Variants in BLTP1 observed in about 807,000 individuals in gnomAD.
BLTP1 encodes fragile site-associated protein.
the BLTP1 span, chr4:122,331,843 T>C: frequency 7.0e-6 from 6 of 861,866 alleles, no homozygotes; most frequent in South Asian, 3.2e-4. Flanking sequence ...CCCTGTATTA[T>C]ACATATTTCA....
At chr4:122,263,695 A>G in the BLTP1 span, 8 of 725,562 alleles carry the variant, frequency 1.1e-5, no homozygotes, top group South Asian at 2.2e-5. Flanking sequence ...TCAAACAAGT[A>G]CTGTTTGGTT....
At chr4:122,172,204 A>G in the BLTP1 span, 1 of 476,704 alleles carries the variant, frequency 2.1e-6, no homozygotes, top group Non-Finnish European at 2.7e-6. Context: ...CTTTATCCAT[A>G]ATACATAATT....
the BLTP1 span, among the ~76,000 whole-genome samples, chr4:122,218,213 G>C: frequency 6.6e-6 from 1 of 151,804 alleles, no homozygotes; most frequent in Admixed American, 6.6e-5. Flanking sequence ...AACTCACTTA[G>C]ACATTTATGT....
chr4:122,328,156 C>T, the BLTP1 span: 4 of 1,610,302 alleles, frequency 2.5e-6, no homozygotes, highest in Non-Finnish European at 3.4e-6. Context: ...GAAGGTCCAT[C>T]CCATTATTCA....
the BLTP1 span, chr4:122,276,998 A>G: frequency 1.0e-6 from 1 of 983,496 alleles, no homozygotes; most frequent in Non-Finnish European, 1.2e-6. Context: ...ACTGGCCTGT[A>G]ATTAATATGA....
the BLTP1 span, chr4:122,306,538 G>A: frequency 1.0e-6 from 1 of 983,642 alleles, no homozygotes; most frequent in Non-Finnish European, 1.2e-6. Flanking sequence ...GCTTCTTAGA[G>A]GAGAAACTAA....
chr4:122,215,462 AGTT>A, the BLTP1 span: 1 of 985,374 alleles, frequency 1.0e-6, no homozygotes, highest in South Asian at 4.7e-5. Flanking sequence ...ACCTAATAGT[AGTT>A]GAGTCCTTAG....
At chr4:122,194,775 A>G in the BLTP1 span, 9 of 669,162 alleles carry the variant, frequency 1.3e-5, no homozygotes, top group Non-Finnish European at 1.7e-5. Flanking sequence ...AACCCAAACT[A>G]AAATGCAGTA....
chr4:122,190,130 TCTGTCA>T, the BLTP1 span: 1 of 1,606,520 alleles, frequency 6.2e-7, no homozygotes, highest in Non-Finnish European at 8.5e-7. Context: ...AGAGTGAGAC[TCTGTCA>T]CACAGGCTGG....
chr4:122,166,813 A>T, the BLTP1 span, among the ~76,000 whole-genome samples: 2 of 152,012 alleles, frequency 1.3e-5, no homozygotes, highest in Non-Finnish European at 2.9e-5. Context: ...TGGATTCCTA[A>T]GTATTTTATT....
At chr4:122,176,268 A>G in the BLTP1 span, among the ~76,000 whole-genome samples, 1 of 151,946 alleles carries the variant, frequency 6.6e-6, no homozygotes, top group Non-Finnish European at 1.5e-5. Context: ...GTGCCACTGC[A>G]CTCCAGCCTG....
chr4:122,237,183 C>T, the BLTP1 span: 64 of 985,156 alleles, frequency 6.5e-5, no homozygotes, highest in Middle Eastern at 5.2e-4. Context: ...TTTCCATTAG[C>T]GGATTTACTT....
chr4:122,183,705 A>G, the BLTP1 span, among the ~76,000 whole-genome samples: 2 of 152,138 alleles, frequency 1.3e-5, no homozygotes, highest in East Asian at 1.9e-4. Context: ...GTTATTTCCA[A>G]GTTGATGAGG....
the BLTP1 span, chr4:122,211,123 C>A: frequency 8.3e-6 from 13 of 1,562,330 alleles, no homozygotes; most frequent in Non-Finnish European, 1.1e-5. Context: ...AACTTACATA[C>A]TTTTAAATAT....
At chr4:122,299,349 AAAAT>A in the BLTP1 span, among the ~76,000 whole-genome samples, 28 of 152,206 alleles carry the variant, frequency 1.8e-4, no homozygotes, top group Admixed American at 1.7e-3. Context: ...TTAGGAGTAA[AAAAT>A]AAATAAGAAC....
chr4:122,248,226 T>C, the BLTP1 span: 1 of 612,928 alleles, frequency 1.6e-6, no homozygotes, highest in Non-Finnish European at 2.0e-6. Context: ...TGGTGAAAAA[T>C]GTGGTGGCTT....
the BLTP1 span, chr4:122,316,872 A>G: frequency 2.6e-6 from 4 of 1,526,060 alleles, no homozygotes; most frequent in Middle Eastern, 1.7e-4. Context: ...AGTATGTACA[A>G]TGATTTTTAA....
the BLTP1 span, chr4:122,240,448 T>G: frequency 9.3e-7 from 1 of 1,069,582 alleles, no homozygotes; most frequent in South Asian, 1.6e-5. Flanking sequence ...TCTTTTTAGC[T>G]ACCTTTCTGA....
the BLTP1 span, chr4:122,345,860 A>G: frequency 6.2e-3 from 1,045 of 168,746 alleles, 11 homozygotes; most frequent in African/African-American, 0.024. Flanking sequence ...ATAGAAGAGA[A>G]TCCATAAACT....
Sources: gnomAD v4.1 joint callset for allele counts (sites outside exome capture counted in the v4.1 genomes callset) on GRCh38, gnomAD v4.1.1 for gene constraint, MANE v1.5 for transcripts, NCBI Gene and HGNC (gene_info 2026-07-23, HGNC 2026-07-21) for gene names.